Variants in ZNF773 observed in about 807,000 individuals in gnomAD.
ZNF773 encodes the protein zinc finger protein 773.
A neutral mutation model predicts 12.8 loss-of-function variants in ZNF773; 11 were observed. The observed-to-expected ratio is 0.86, with a 90% CI of 0.54 to 1.42. ZNF773 has a LOEUF of 1.42. Ranked by LOEUF, ZNF773 falls within the 40% of genes most tolerant of loss-of-function variation. ZNF773 has a pLI of 0.00. For synonymous variants in ZNF773, 175 were observed against 178.4 expected (o/e 0.98, Z 0.15); for missense variants, 518 against 527.2 (o/e 0.98, Z 0.17).
chr19:57,506,836 T>C lies in ZNF773; in HGVS notation c.741T>C (p.Tyr247=), dbSNP rs751680477. The C allele has an allele frequency of 3.7e-6, 6 of 1,614,064 alleles. No individual in the cohort carries two copies. The highest frequency in any genetic ancestry group is 1.7e-5 in the Admixed American group (1 of 60,002). The change falls in exon 4 of 4, where the codon TAT becomes TAC. Residue 247 remains tyrosine (Y), a synonymous_variant. Coordinates refer to ENST00000282292, the MANE Select transcript of ZNF773 (RefSeq NM_198542.3). ...HQIVHTGERP[Y]GCSDCGKSFS... ...TAGTTCACACTGGAGAAAGGCCTTA[T>C]GGGTGTAGTGACTGTGGAAAATCCT...
Position 57,505,767 on chromosome 19 carries a change from G to A in ZNF773, c.262+367G>A, listed in dbSNP as rs181251889. 3.8e-3 allele frequency among the ~76,000 whole-genome samples: 549 copies of A among 145,484 alleles called. 3 individuals are homozygous for A. Among genetic ancestry groups the A allele is most frequent in the African/African-American group, 0.014 (534 of 39,430 alleles). On this transcript the variant is annotated intron_variant, in intron 3 of 3. Coordinates refer to ENST00000282292, the MANE Select transcript of ZNF773 (RefSeq NM_198542.3). ...GCTCTGTCGCCTAGGCTGGAGGGCA[G>A]TGGCGTGATCTCGGCTCACTGCAAG...
At chr19:57,511,276 C>A (rs369917393), downstream of ZNF773, among the ~76,000 whole-genome samples, 3 of 152,204 alleles carry the variant, frequency 2.0e-5, no homozygotes, top group Admixed American at 6.5e-5. Flanking sequence ...TGGTCTCGAT[C>A]TCCTGACCTC....
Position 57,507,492 on chromosome 19 carries a change from T to C in ZNF773, c.*68T>C. 1 of 1,520,304 alleles carries C rather than the reference T, an allele frequency of 6.6e-7. No individual in the cohort carries two copies. Among genetic ancestry groups the C allele is most frequent in the Admixed American group, 2.3e-5 (1 of 43,036 alleles). The allele number at this position is 1,520,304 out of a possible 1,614,324, so 94.2% of individuals were successfully genotyped here. A position where few individuals can be genotyped will look rare whatever the true frequency, so the allele number is the denominator to read the frequency against. ...CCAGAAAGTTCACAGTGTAAAAAAG[T>C]CTTGAAGGTTACTAATGGAAATCCA... On this transcript the variant is annotated 3_prime_UTR_variant, in exon 4 of 4. Coordinates refer to ENST00000282292, the MANE Select transcript of ZNF773 (RefSeq NM_198542.3).
At chr19:57,511,059 T>TATTTTATTTATTTA (rs761932978), downstream of ZNF773, among the ~76,000 whole-genome samples, 20 of 148,630 alleles carry the variant, frequency 1.3e-4, 1 homozygote, top group Admixed American at 5.3e-4. Flanking sequence ...TTATTTATTT[T>TATTTTATTTATTTA]TTTTTTTTTT....
chr19:57,502,098 A>G (rs1403371787), intron 1 of ZNF773, among the ~76,000 whole-genome samples: 4 of 152,238 alleles, frequency 2.6e-5, no homozygotes, highest in African/African-American at 9.6e-5. Context: ...ACGTGCCGTC[A>G]CGCCCGGCTA....
rs753516884 is a variant in ZNF773, at chr19:57,507,204, A to G, written c.1109A>G (p.Gln370Arg). 1.2e-6 allele frequency: 2 copies of G among 1,614,190 alleles called. No individual in the cohort carries two copies. The highest frequency in any genetic ancestry group is 1.7e-6 in the Non-Finnish European group (2 of 1,180,016). Residue 370 changes from glutamine to arginine, a missense_variant, in exon 4 of 4, where the codon CAA (glutamine) becomes CGA (arginine). By Grantham distance (43) the Gln-to-Arg change is conservative. Transcript: ENST00000282292. ...AGTGAATGTGGGAAATTTTTTAGCC[A>G]AAGCTCAAGCCTCATGCAACATCGA... ...ECSECGKFFS[Q>R]SSSLMQHRKV...
downstream of ZNF773, chr19:57,513,073 G>A: frequency 6.5e-7 from 1 of 1,534,910 alleles, no homozygotes; most frequent in Non-Finnish European, 8.8e-7. Flanking sequence ...GAGTGAAGAA[G>A]GTCTGCTGGA....
chr19:57,506,248 T>G (rs2089731561), intron 3 of ZNF773, 110 bp from the exon 4 acceptor site: 1 of 1,506,134 alleles, frequency 6.6e-7, no homozygotes, highest in African/African-American at 1.4e-5. Flanking sequence ...GCCCCCTCAT[T>G]CTGCAAGCAG....
At chr19:57,505,443 G>C (rs1277896392) in intron 3 of ZNF773, 43 bp downstream of exon 3, 1 of 1,607,700 alleles carries the variant, frequency 6.2e-7, no homozygotes. Context: ...ACTCGGGTAT[G>C]GGTTTGTATC....
chr19:57,511,945 TGAA>T (rs1159602828), downstream of ZNF773, among the ~76,000 whole-genome samples: 6 of 152,248 alleles, frequency 3.9e-5, no homozygotes, highest in African/African-American at 1.4e-4. Flanking sequence ...TTATATGAAA[TGAA>T]GAAGCTGCAA....
downstream of ZNF773, among the ~76,000 whole-genome samples, chr19:57,511,118 C>T (rs951057673): frequency 4.6e-5 from 7 of 150,988 alleles, no homozygotes; most frequent in Admixed American, 1.3e-4. Flanking sequence ...GGCATGATCT[C>T]AGCTCACTGC....
rs758753374 is a variant in ZNF773 at position 57,508,140 on chromosome 19, CAA to C, written c.*733_*734del. 6.0e-4 allele frequency: 470 copies of C among 782,612 alleles called. No homozygotes were observed. The highest frequency in any genetic ancestry group is 7.4e-4 in the South Asian group (12 of 16,140). The allele number at this position is 782,612 out of a possible 1,614,324, so 48.5% of individuals were successfully genotyped here. A position where few individuals can be genotyped will look rare whatever the true frequency, so the allele number is the denominator to read the frequency against. On this transcript the variant is annotated 3_prime_UTR_variant, in exon 4 of 4. Transcript: ENST00000282292. ...TGGGTGACAGAGTGAGACTTCGTCTCAAAAAAAAAAAAAAAAAACAAAAAAAA... is the reference window on the plus strand; with the variant it reads ...TGGGTGACAGAGTGAGACTTCGTCTCAAAAAAAAAAAAAAAACAAAAAAAA...
At chr19:57,509,152 A>G (rs2089777228), downstream of ZNF773, among the ~76,000 whole-genome samples, 1 of 152,200 alleles carries the variant, frequency 6.6e-6, no homozygotes, top group Non-Finnish European at 1.5e-5. Context: ...CCTAATTTTT[A>G]TGAAGCCCAG....
rs753262370 is a variant in ZNF773, at chr19:57,506,829, G to A, written c.734G>A (p.Arg245Lys). The change falls in exon 4 of 4, where the codon AGG (arginine) becomes AAG (lysine). Residue 245 changes from arginine (R) to lysine (K), a missense_variant. Coordinates refer to ENST00000282292, the MANE Select transcript of ZNF773 (RefSeq NM_198542.3). ...CACCAAATAGTTCACACTGGAGAAA[G>A]GCCTTATGGGTGTAGTGACTGTGGA... is the stretch of plus-strand genomic sequence containing the variant. ...FIHQIVHTGE[R>K]PYGCSDCGKS... 5.0e-6 allele frequency: 8 copies of A among 1,614,106 alleles called. No homozygotes were observed. In the South Asian group the frequency reaches 8.8e-5, roughly 18 times the overall value.
downstream of ZNF773, chr19:57,514,970 G>A (rs916761620): frequency 1.3e-5 from 2 of 152,186 alleles, no homozygotes; most frequent in Non-Finnish European, 2.9e-5. Flanking sequence ...AGCTATTTAT[G>A]GACCTAAGCA....
At position 57,507,481 on chromosome 19, in the gene ZNF773, G is replaced by A; in HGVS notation, c.*57G>A. ...CTCATTCAACACCAGAAAGTTCACA[G>A]TGTAAAAAAGTCTTGAAGGTTACTA... On this transcript the variant is annotated 3_prime_UTR_variant, in exon 4 of 4. Transcript: ENST00000282292. 3.3e-6 allele frequency: 5 copies of A among 1,529,928 alleles called. No homozygotes were observed. The East Asian group carries it at 6.8e-5, about 21-fold the overall frequency. 94.8% of individuals were successfully genotyped at this position (1,529,928 alleles called of 1,614,324 possible).
rs1225069639 is a variant in ZNF773 at position 57,504,644 on chromosome 19, C to T, written c.34-13C>T. 4 of 1,613,786 alleles carry T rather than the reference C, an allele frequency of 2.5e-6. No individual in the cohort carries two copies. The Admixed American group carries it at 5.0e-5, about 20-fold the overall frequency. ...AAGGAGACCGCAGATAAACTCAACT[C>T]TGTCCATCTTAGCAGGGCTATGTGA... On this transcript the variant is annotated splice_polypyrimidine_tract_variant and intron_variant, in intron 1 of 3. Coordinates refer to ENST00000282292, the MANE Select transcript of ZNF773 (RefSeq NM_198542.3).
intron 1 of ZNF773, among the ~76,000 whole-genome samples, chr19:57,501,648 C>T (rs147595038): frequency 1.3e-5 from 2 of 152,324 alleles, no homozygotes; most frequent in East Asian, 3.9e-4. Flanking sequence ...GATAGTCAGG[C>T]ACACCTGACT....
At position 57,500,080 on chromosome 19, in the gene ZNF773, G is replaced by A. The variant is rs1033243241; in HGVS notation, c.-1G>A. 4 of 1,602,598 alleles carry A rather than the reference G, an allele frequency of 2.5e-6. No individual in the cohort carries two copies. The highest frequency in any genetic ancestry group is 1.7e-5 in the Admixed American group (1 of 59,266). The stretch of plus-strand genomic sequence containing the variant: ...TCGTTGTCTCACCGCCACAGGCTCC[G>A]ATGGCGGCGGCCACGCTGAGGGACC... On this transcript the variant is annotated 5_prime_UTR_variant, in exon 1 of 4. Coordinates refer to ENST00000282292, the MANE Select transcript of ZNF773 (RefSeq NM_198542.3).
Sources: gnomAD v4.1 joint callset for allele counts (sites outside exome capture counted in the v4.1 genomes callset) on GRCh38, gnomAD v4.1.1 for gene constraint, MANE v1.5 for transcripts, NCBI Gene and HGNC (gene_info 2026-07-23, HGNC 2026-07-21) for gene names.